The following DLC1 variants were observed in gnomAD, a reference collection of about 807,000 sequenced individuals.
DLC1 encodes DLC1 Rho GTPase activating protein.
Under a neutral mutation model 140.3 loss-of-function variants are expected in DLC1, and 54 were observed. The ratio of observed to expected loss-of-function variants is 0.38; its 90% CI spans 0.31 to 0.48. The LOEUF (loss-of-function observed/expected upper bound fraction) is 0.48, where lower values mean the gene tolerates loss of function less well. Ranked by LOEUF, DLC1 falls within the 20% of genes least tolerant of loss-of-function variation. The pLI is 0.96. For missense variants in DLC1, 2,536 were observed against 1,907.0 expected, an observed-to-expected ratio of 1.33 and a Z score of -6.14; for synonymous variants, 986 against 728.1, an observed-to-expected ratio of 1.35 and a Z score of -5.70.
chr8:13,104,507 T>G (rs1819389555), intron 7 of DLC1, among the ~76,000 whole-genome samples: 1 of 152,212 alleles, frequency 6.6e-6, no homozygotes, highest in South Asian at 2.1e-4. Context: ...CATCACTTAG[T>G]CTTCCTCAAA....
intron 1 of DLC1, among the ~76,000 whole-genome samples, chr8:13,602,620 T>C (rs950826680): frequency 6.6e-6 from 1 of 151,894 alleles, no homozygotes; most frequent in African/African-American, 2.4e-5. Flanking sequence ...AAAACAGTCC[T>C]GAGTACCTAG....
intron 1 of DLC1, among the ~76,000 whole-genome samples, chr8:13,597,237 A>C (rs1805711850): frequency 6.6e-6 from 1 of 152,026 alleles, no homozygotes; most frequent in Admixed American, 6.6e-5. Context: ...AGATGGATAG[A>C]TTTGTCAGCT....
intron 5 of DLC1, among the ~76,000 whole-genome samples, chr8:13,240,541 T>A (rs1829501410): frequency 6.6e-6 from 1 of 152,162 alleles, no homozygotes; most frequent in South Asian, 2.1e-4. Flanking sequence ...TCCTCCCACA[T>A]CAGCCTCCCA....
intron 3 of DLC1, among the ~76,000 whole-genome samples, chr8:13,398,337 A>G (rs1163992948): frequency 6.6e-6 from 1 of 152,094 alleles, no homozygotes; most frequent in Non-Finnish European, 1.5e-5. Context: ...GAGTCAAACT[A>G]AGGAAGGATT....
At chr8:13,225,927 T>A (rs1022205932) in intron 5 of DLC1, among the ~76,000 whole-genome samples, 5 of 152,224 alleles carry the variant, frequency 3.3e-5, no homozygotes, top group Admixed American at 2.6e-4. Context: ...TTTTTTTATT[T>A]TTTGAGAAGC....
At chr8:13,321,318 T>A (rs1168285050) in intron 4 of DLC1, among the ~76,000 whole-genome samples, 1 of 151,948 alleles carries the variant, frequency 6.6e-6, no homozygotes, top group Non-Finnish European at 1.5e-5. Flanking sequence ...AGTGGGCAGG[T>A]CACAAGGTCA....
chr8:13,232,322 C>G (rs1829085213), intron 5 of DLC1, among the ~76,000 whole-genome samples: 1 of 151,872 alleles, frequency 6.6e-6, no homozygotes, highest in Non-Finnish European at 1.5e-5. Context: ...CCATTCCAAC[C>G]TGATGATTCT....
chr8:13,413,256 A>ATTTTTTTTTTTTTTTTTTTTTT lies in DLC1; in HGVS notation c.1024-11638_1024-11637insAAAAAAAAAAAAAAAAAAAAAA, dbSNP rs58038503. On this transcript the variant is annotated intron_variant, in intron 2 of 17. Coordinates refer to ENST00000276297, the MANE Select transcript of DLC1 (RefSeq NM_182643.3). ...TAAAACATTATGAGATTTTTTTGCG[A>ATTTTTTTTTTTTTTTTTTTTTT]TTTTTTTTTTTTTTTTTTTTTAGCT... 1.2e-3 allele frequency among the ~76,000 whole-genome samples: 95 copies of ATTTTTTTTTTTTTTTTTTTTTT among 82,004 alleles called. 23 individuals carry two copies. The highest frequency in any genetic ancestry group is 1.4e-3 in the Non-Finnish European group (60 of 44,132). The allele number at this position is 82,004 out of a possible 152,430, so 53.8% of individuals were successfully genotyped here.
intron 5 of DLC1, among the ~76,000 whole-genome samples, chr8:13,302,332 C>T (rs1327883823): frequency 2.6e-5 from 4 of 152,176 alleles, no homozygotes; most frequent in Non-Finnish European, 4.4e-5. Context: ...AATAGAATGC[C>T]TAGAACATGC....
chr8:13,262,768 T>C (rs879520776), intron 5 of DLC1, among the ~76,000 whole-genome samples: 37 of 152,152 alleles, frequency 2.4e-4, no homozygotes, highest in Non-Finnish European at 4.9e-4. Flanking sequence ...CATAATGAAG[T>C]GTATTGCTCC....
rs1179331265 is a variant in DLC1, at chr8:13,083,696, C to T, written c.*2115G>A. 1 of 152,616 alleles carries T rather than the reference C, an allele frequency of 6.6e-6. No homozygotes were observed. Among genetic ancestry groups the T allele is most frequent in the African/African-American group, 2.4e-5 (1 of 41,460 alleles). 9.5% of individuals were successfully genotyped at this position (152,616 alleles called of 1,614,324 possible). On this transcript the variant is annotated 3_prime_UTR_variant, in exon 18 of 18. Coordinates refer to ENST00000276297, the MANE Select transcript of DLC1 (RefSeq NM_182643.3). ...TCTCAGCGTCGTTTCCTAACTGGACCTTTGTTGGAGAGAATCTCCGTGCTT... is the reference window on the plus strand; with the variant it reads ...TCTCAGCGTCGTTTCCTAACTGGACTTTTGTTGGAGAGAATCTCCGTGCTT...
intron 2 of DLC1, among the ~76,000 whole-genome samples, chr8:13,412,424 C>T (rs991498369): frequency 2.0e-5 from 3 of 151,990 alleles, no homozygotes; most frequent in East Asian, 1.9e-4. Flanking sequence ...ATTACTTGCA[C>T]GCATGCAAAG....
At chr8:13,498,608 AC>A (rs889453396) in intron 2 of DLC1, among the ~76,000 whole-genome samples, 1 of 152,178 alleles carries the variant, frequency 6.6e-6, no homozygotes, top group African/African-American at 2.4e-5. Context: ...GATTTATACC[AC>A]CTTTTTTTCT....
intron 5 of DLC1, among the ~76,000 whole-genome samples, chr8:13,154,176 C>T (rs902976510): frequency 2.0e-5 from 3 of 152,234 alleles, no homozygotes; most frequent in Non-Finnish European, 2.9e-5. Context: ...AGCTGGCTTC[C>T]CCTAGTGGAT....
intron 1 of DLC1, among the ~76,000 whole-genome samples, chr8:13,548,651 A>T (rs371877878): frequency 5.9e-5 from 9 of 152,030 alleles, no homozygotes; most frequent in African/African-American, 2.2e-4. Flanking sequence ...TCTCATATGG[A>T]TTTGGCAATT....
At chr8:13,592,176 G>C (rs1805536544) in intron 1 of DLC1, among the ~76,000 whole-genome samples, 1 of 152,000 alleles carries the variant, frequency 6.6e-6, no homozygotes, top group South Asian at 2.1e-4. Context: ...TTGGGCAAAT[G>C]GTAAAGGTCT....
chr8:13,094,931 G>C lies in DLC1; in HGVS notation c.3354C>G (p.Val1118=), dbSNP rs1353808016. 3 of 1,614,194 alleles carry C rather than the reference G, an allele frequency of 1.9e-6. No individual in the cohort carries two copies. The highest frequency in any genetic ancestry group is 2.2e-5 in the South Asian group (2 of 91,068). The part of the protein sequence containing the change: ...DQVGLFRKSG[V]KSRIQALRQM... The stretch of plus-strand genomic sequence containing the variant: ...GGCGCAGAGCCTGAATCCGGGACTT[G>C]ACCCCCGATTTTCTGAAGAGCCCAA... Residue 1118 remains valine, a synonymous_variant, in exon 12 of 18, where the codon GTC becomes GTG. Transcript: ENST00000276297.
At chr8:13,346,929 A>T (rs2117011228) in intron 4 of DLC1, among the ~76,000 whole-genome samples, 1 of 152,364 alleles carries the variant, frequency 6.6e-6, no homozygotes, top group Non-Finnish European at 1.5e-5. Context: ...CCGTGGTCTG[A>T]AAATAGTGAG....
chr8:13,578,790 A>T (rs1000216357), intron 1 of DLC1, among the ~76,000 whole-genome samples: 9 of 151,968 alleles, frequency 5.9e-5, no homozygotes, highest in African/African-American at 2.2e-4. Flanking sequence ...CCCTCCAGGT[A>T]CCCCCATGTG....
Sources: gnomAD v4.1 joint callset for allele counts (sites outside exome capture counted in the v4.1 genomes callset) on GRCh38, gnomAD v4.1.1 for gene constraint, MANE v1.5 for transcripts, NCBI Gene and HGNC (gene_info 2026-07-23, HGNC 2026-07-21) for gene names.